THEMIS: variants seen among roughly 807,000 people sequenced by gnomAD.
THEMIS encodes the protein thymocyte selection associated, also known as protein THEMIS.
THEMIS carries 37 observed loss-of-function variants against 52.6 expected under a neutral mutation model. The observed-to-expected ratio is 0.70, with a 90% CI of 0.54 to 0.93. The LOEUF (loss-of-function observed/expected upper bound fraction) is 0.93, where lower values mean the gene tolerates loss of function less well. THEMIS is among the 40% of genes least tolerant of loss of function. THEMIS has a pLI of 0.00. For missense variants in THEMIS, 808 were observed against 763.1 expected (o/e 1.06, Z -0.69); for synonymous variants, 292 against 272.7 (o/e 1.07, Z -0.70).
At chr6:127,740,599 A>G (rs1775168563) in intron 4 of THEMIS, among the ~76,000 whole-genome samples, 1 of 152,212 alleles carries the variant, frequency 6.6e-6, no homozygotes, top group African/African-American at 2.4e-5. Flanking sequence ...TTTTGCTGAC[A>G]TGCTTTGGAC....
intron 4 of THEMIS, among the ~76,000 whole-genome samples, chr6:127,779,455 G>T (rs1212392077): frequency 6.6e-6 from 1 of 152,012 alleles, no homozygotes; most frequent in African/African-American, 2.4e-5. Context: ...ATAGTCTTCT[G>T]GATTTGCCAA....
chr6:127,805,430 G>A (rs1477758508), intron 4 of THEMIS, among the ~76,000 whole-genome samples: 2 of 152,034 alleles, frequency 1.3e-5, no homozygotes, highest in Non-Finnish European at 2.9e-5. Context: ...AATAACGCAT[G>A]CATGAATCTT....
intron 4 of THEMIS, among the ~76,000 whole-genome samples, chr6:127,800,491 C>T (rs1260371578): frequency 6.6e-6 from 1 of 152,172 alleles, no homozygotes; most frequent in African/African-American, 2.4e-5. Flanking sequence ...AAATTTCAAA[C>T]CAAACTAAAC....
rs773814222 is a variant in THEMIS at position 127,813,504 on chromosome 6, C to A, written c.1137G>T (p.Lys379Asn). 4 of 1,613,882 alleles carry A rather than the reference C, an allele frequency of 2.5e-6. No individual in the cohort carries two copies. In the South Asian group the frequency reaches 4.4e-5, roughly 18 times the overall value. Residue 379 changes from lysine to asparagine, a missense_variant, in exon 4 of 6, where the codon AAG (lysine) becomes AAT (asparagine). Coordinates refer to ENST00000368248, the MANE Select transcript of THEMIS (RefSeq NM_001010923.3). ...GGTCCCCAACAGATACGGATGACAGCTTGTCATGAGGGGAATGAAACGCTT... is the reference window on the plus strand; with the variant it reads ...GGTCCCCAACAGATACGGATGACAGATTGTCATGAGGGGAATGAAACGCTT... ...ATKAFHSPHD[K>N]LSSVSVGDQF... is the part of the protein sequence containing the mutation.
chr6:127,719,655 C>T (rs371383000), intron 5 of THEMIS, 33 bp downstream of exon 5: 47 of 1,558,752 alleles, frequency 3.0e-5, no homozygotes, highest in African/African-American at 1.3e-4. Flanking sequence ...GTTAAACCAC[C>T]GTGGTTTAAC....
At chr6:127,870,892 T>C (rs1352046663) in intron 1 of THEMIS, among the ~76,000 whole-genome samples, 4 of 152,184 alleles carry the variant, frequency 2.6e-5, no homozygotes, top group East Asian at 1.9e-4. Context: ...ACAATTACAG[T>C]TGGAGTCTTC....
At chr6:127,806,848 G>T (rs1483751868) in intron 4 of THEMIS, among the ~76,000 whole-genome samples, 1 of 152,128 alleles carries the variant, frequency 6.6e-6, no homozygotes, top group Admixed American at 6.5e-5. Flanking sequence ...GCACAGATTT[G>T]TACCTTCGAG....
At position 127,840,922 on chromosome 6, in the gene THEMIS, C is replaced by T. The variant is rs1288107058; in HGVS notation, c.251-10988G>A. Among the ~76,000 whole-genome samples the T allele has an allele frequency of 2.0e-5, 3 of 152,038 alleles. No homozygotes were observed. The East Asian group carries it at 5.8e-4, about 29-fold the overall frequency. On this transcript the variant is annotated intron_variant, in intron 2 of 5. Transcript: ENST00000368248. Reference sequence around the variant, plus strand: ...CAAAATATGGAGACAGGAAAAGGATCAGTGGTTACCACGGATTAGAGGAGA... The same window carrying T: ...CAAAATATGGAGACAGGAAAAGGATTAGTGGTTACCACGGATTAGAGGAGA...
chr6:127,791,945 G>T (rs1777171247), intron 4 of THEMIS, among the ~76,000 whole-genome samples: 1 of 152,242 alleles, frequency 6.6e-6, no homozygotes, highest in Non-Finnish European at 1.5e-5. Context: ...GCACTTTTGA[G>T]CCTGAAGGGG....
intron 1 of THEMIS, among the ~76,000 whole-genome samples, chr6:127,896,879 T>C (rs1780983798): frequency 1.3e-5 from 2 of 151,548 alleles, no homozygotes; most frequent in Admixed American, 6.6e-5. Context: ...CTCTGTAGCA[T>C]ATTATTAAAT....
At chr6:127,779,980 C>T (rs1285581343) in intron 4 of THEMIS, among the ~76,000 whole-genome samples, 1 of 152,066 alleles carries the variant, frequency 6.6e-6, no homozygotes, top group Non-Finnish European at 1.5e-5. Flanking sequence ...GTTGATCTGT[C>T]TAATATGGGC....
chr6:127,885,915 C>G (rs548302151), intron 1 of THEMIS, among the ~76,000 whole-genome samples: 1 of 152,152 alleles, frequency 6.6e-6, no homozygotes, highest in African/African-American at 2.4e-5. Flanking sequence ...GAAAAAAGTT[C>G]TACCACTAGA....
At chr6:127,845,382 C>A (rs575959199) in intron 2 of THEMIS, among the ~76,000 whole-genome samples, 26 of 151,832 alleles carry the variant, frequency 1.7e-4, no homozygotes, top group Non-Finnish European at 2.8e-4. Flanking sequence ...ATTGGAGCAA[C>A]CTGGGAAGCA....
chr6:127,755,157 A>G (rs536032768), intron 4 of THEMIS, among the ~76,000 whole-genome samples: 9 of 152,334 alleles, frequency 5.9e-5, no homozygotes, highest in Admixed American at 1.3e-4. Context: ...CCAAAATAAT[A>G]TAATGCTCTT....
chr6:127,842,356 C>T (rs1485803415), intron 2 of THEMIS, among the ~76,000 whole-genome samples: 3 of 151,924 alleles, frequency 2.0e-5, no homozygotes, highest in Non-Finnish European at 1.5e-5. Flanking sequence ...TTAGAATTAA[C>T]AATGTTAATG....
At chr6:127,900,744 A>G in intron 1 of THEMIS, 98 bp downstream of exon 1, 1 of 1,001,180 alleles carries the variant, frequency 1.0e-6, no homozygotes, top group South Asian at 1.4e-5. Flanking sequence ...CTTTACCAGA[A>G]CTCACATATT....
intron 3 of THEMIS, among the ~76,000 whole-genome samples, chr6:127,821,575 G>A (rs772450918): frequency 6.6e-6 from 1 of 151,520 alleles, no homozygotes; most frequent in Admixed American, 6.6e-5. Context: ...AAGAGTAACA[G>A]GTTACTTCTT....
intron 4 of THEMIS, among the ~76,000 whole-genome samples, chr6:127,767,265 G>A (rs1171514357): frequency 6.6e-6 from 1 of 151,550 alleles, no homozygotes; most frequent in Non-Finnish European, 1.5e-5. Flanking sequence ...CTAATTTTTT[G>A]TATTTTAGTA....
At chr6:127,707,363 G>A (rs918376506), downstream of THEMIS, among the ~76,000 whole-genome samples, 1 of 152,118 alleles carries the variant, frequency 6.6e-6, no homozygotes, top group African/African-American at 2.4e-5. Flanking sequence ...ATCATTTTAG[G>A]AATTTTGGCT....
Sources: allele counts gnomAD v4.1 joint callset (sites outside exome capture counted in the v4.1 genomes callset), GRCh38; gene constraint gnomAD v4.1.1; transcripts MANE v1.5; gene names NCBI Gene and HGNC (gene_info 2026-07-23, HGNC 2026-07-21).